EDNRA: variants seen among roughly 807,000 people sequenced by gnomAD.
The protein encoded by EDNRA is endothelin-1 receptor.
EDNRA carries 11 observed loss-of-function variants against 41.4 expected under a neutral mutation model. That is an observed-to-expected ratio of 0.27 (90% CI 0.17 to 0.44). The LOEUF (loss-of-function observed/expected upper bound fraction) is 0.44, where lower values mean the gene tolerates loss of function less well. Among genes scored for constraint, EDNRA ranks in the 20% least tolerant of loss-of-function variants. The pLI is 1.00. For missense variants in EDNRA, 294 were observed against 531.0 expected, an observed-to-expected ratio of 0.55 and a Z score of 4.39; for synonymous variants, 172 against 183.0, an observed-to-expected ratio of 0.94 and a Z score of 0.49.
At chr4:147,525,124 T>C (rs1730488497) in intron 3 of EDNRA, among the ~76,000 whole-genome samples, 1 of 152,184 alleles carries the variant, frequency 6.6e-6, no homozygotes. Context: ...AAACCTTACA[T>C]CCAAGTTCTA....
chr4:147,507,863 T>A (rs141711363), intron 2 of EDNRA, among the ~76,000 whole-genome samples: 2 of 152,350 alleles, frequency 1.3e-5, no homozygotes, highest in African/African-American at 4.8e-5. Context: ...TATAGTGGTA[T>A]CCCGTGGTGG....
chr4:147,504,982 T>A (rs1729641005), intron 2 of EDNRA, among the ~76,000 whole-genome samples: 1 of 84,686 alleles, frequency 1.2e-5, no homozygotes, highest in Admixed American at 1.0e-4. Flanking sequence ...AAAAAAGGAT[T>A]CATATCTAGA....
intron 6 of EDNRA, 77 bp downstream of exon 6, chr4:147,540,027 A>G (rs1731045345): frequency 2.0e-6 from 3 of 1,512,388 alleles, no homozygotes; most frequent in Admixed American, 2.3e-5. Flanking sequence ...AAAACCAGCT[A>G]CTCTACATGC....
chr4:147,517,077 G>C (rs1376026061), intron 2 of EDNRA, among the ~76,000 whole-genome samples: 2 of 152,000 alleles, frequency 1.3e-5, no homozygotes, highest in African/African-American at 4.8e-5. Flanking sequence ...GTTGCCTTTG[G>C]GCAGGGAGTT....
intron 7 of EDNRA, among the ~76,000 whole-genome samples, chr4:147,541,130 T>C (rs1240159149): frequency 6.7e-6 from 1 of 150,098 alleles, no homozygotes; most frequent in Non-Finnish European, 1.5e-5. Context: ...AATTGTGTAC[T>C]TAGTAATAGA....
intron 2 of EDNRA, chr4:147,491,640 A>G (rs1369053264): frequency 6.6e-6 from 1 of 152,166 alleles, no homozygotes; most frequent in Non-Finnish European, 1.5e-5. Flanking sequence ...GGCAGAAGAC[A>G]TTATCAGTGG....
In EDNRA at chr4:147,526,782, C is replaced by CA. The variant is rs566327684; in HGVS notation, c.549-5718dup. ...CAACATAGCGAGATCCTTGTCTCTA[C>CA]AAAAAATATTTTTAAAAATTAGCCT... On this transcript the variant is annotated intron_variant, in intron 3 of 7. Coordinates refer to ENST00000651419, the MANE Select transcript of EDNRA (RefSeq NM_001957.4). Among the ~76,000 whole-genome samples, 9 of 152,186 alleles carry CA rather than the reference C, an allele frequency of 5.9e-5. No homozygotes were observed. The East Asian group carries it at 1.7e-3, about 29-fold the overall frequency.
At chr4:147,524,052 A>T (rs1209143113) in intron 3 of EDNRA, among the ~76,000 whole-genome samples, 1 of 152,168 alleles carries the variant, frequency 6.6e-6, no homozygotes, top group Non-Finnish European at 1.5e-5. Context: ...AAAGGGAAGG[A>T]AGACCCTTCT....
chr4:147,542,342 C>T lies in EDNRA; in HGVS notation c.1144-136C>T, dbSNP rs1291969330. Reference sequence around the variant, plus strand: ...GCCTGGTGATAACAGGCTCTCCACTCTAGGTTACTGTCAAGGTTCACTTCC... The same window carrying T: ...GCCTGGTGATAACAGGCTCTCCACTTTAGGTTACTGTCAAGGTTCACTTCC... On this transcript the variant is annotated intron_variant, in intron 7 of 7. Coordinates refer to ENST00000651419, the MANE Select transcript of EDNRA (RefSeq NM_001957.4). 5.8e-6 allele frequency: 7 copies of T among 1,198,788 alleles called. No homozygotes were observed. The African/African-American group carries it at 6.0e-5, about 10-fold the overall frequency. The allele number at this position is 1,198,788 out of a possible 1,614,324, so 74.3% of individuals were successfully genotyped here.
intron 2 of EDNRA, chr4:147,492,968 T>C (rs1315186773): frequency 6.6e-6 from 1 of 152,168 alleles, no homozygotes; most frequent in Non-Finnish European, 1.5e-5. Context: ...GTTACTCTGC[T>C]AACCCTCGGC....
chr4:147,508,598 C>T (rs4563479), intron 2 of EDNRA, among the ~76,000 whole-genome samples: 21,951 of 152,188 alleles, frequency 0.14, 2,045 homozygotes, highest in African/African-American at 0.28. Flanking sequence ...TTAGCTCTTA[C>T]ATTCAGTTCT....
At chr4:147,524,252 T>A (rs1437540872) in intron 3 of EDNRA, among the ~76,000 whole-genome samples, 1 of 151,984 alleles carries the variant, frequency 6.6e-6, no homozygotes, top group Non-Finnish European at 1.5e-5. Context: ...TTGTTCTGCC[T>A]CCTCTTTCTT....
intron 7 of EDNRA, among the ~76,000 whole-genome samples, chr4:147,541,269 C>G (rs1731094624): frequency 6.6e-6 from 1 of 152,090 alleles, no homozygotes. Flanking sequence ...AAGCTCTAAG[C>G]CTGTCTTATT....
intron 2 of EDNRA, chr4:147,492,319 A>G (rs1004908129): frequency 2.0e-5 from 3 of 152,218 alleles, no homozygotes; most frequent in Admixed American, 6.5e-5. Context: ...AAAATGTACT[A>G]TAGTTGCCTC....
At chr4:147,526,521 C>A (rs113599686) in intron 3 of EDNRA, among the ~76,000 whole-genome samples, 1 of 152,142 alleles carries the variant, frequency 6.6e-6, no homozygotes, top group Non-Finnish European at 1.5e-5. Flanking sequence ...CTTTCAGAGG[C>A]CAGACCTGGA....
At chr4:147,533,029 A>G (rs56273138) in intron 4 of EDNRA, among the ~76,000 whole-genome samples, 4,017 of 79,290 alleles carry the variant, frequency 0.051, 65 homozygotes, top group Admixed American at 0.086. Flanking sequence ...GTGTGTGTAT[A>G]TATATATATA....
At chr4:147,490,546 C>T (rs1457806222) in intron 2 of EDNRA, 2 of 152,088 alleles carry the variant, frequency 1.3e-5, no homozygotes, top group Non-Finnish European at 2.9e-5. Context: ...AAAACAAAAA[C>T]TTAGCCAAGT....
chr4:147,504,957 C>CAAAAAA lies in EDNRA; in HGVS notation c.421-14879_421-14874dup, dbSNP rs57911108. ...TGGGCAACAAAGTGGGACCCTGTCTCAAAAAAAAAAAAAAAAAAAAGGATT... is the reference window on the plus strand; with the variant it reads ...TGGGCAACAAAGTGGGACCCTGTCTCAAAAAAAAAAAAAAAAAAAAAAAAAAGGATT... On this transcript the variant is annotated intron_variant, in intron 2 of 7. Coordinates refer to ENST00000651419, the MANE Select transcript of EDNRA (RefSeq NM_001957.4). 3.8e-3 allele frequency among the ~76,000 whole-genome samples: 149 copies of CAAAAAA among 39,030 alleles called. 15 individuals are homozygous for CAAAAAA. Among genetic ancestry groups the CAAAAAA allele is most frequent in the South Asian group, 0.024 (20 of 818 alleles). 25.6% of individuals were successfully genotyped at this position (39,030 alleles called of 152,430 possible).
chr4:147,513,031 A>G (rs1729980072), intron 2 of EDNRA, among the ~76,000 whole-genome samples: 1 of 152,156 alleles, frequency 6.6e-6, no homozygotes, highest in South Asian at 2.1e-4. Flanking sequence ...CATTTTATAG[A>G]AGAGAAAACT....
Sources: allele counts gnomAD v4.1 joint callset (sites outside exome capture counted in the v4.1 genomes callset), GRCh38; gene constraint gnomAD v4.1.1; transcripts MANE v1.5; gene names NCBI Gene and HGNC (gene_info 2026-07-23, HGNC 2026-07-21).